ADCY3: variants seen among roughly 807,000 people sequenced by gnomAD.
ADCY3 encodes adenylate cyclase type 3.
In ADCY3, 70 loss-of-function variants were observed where a neutral mutation model predicts 119.4. The ratio of observed to expected loss-of-function variants is 0.59; its 90% CI spans 0.48 to 0.72. The LOEUF (loss-of-function observed/expected upper bound fraction) is 0.72. ADCY3 is among the 30% of genes least tolerant of loss of function. The pLI is 0.00. For missense variants in ADCY3, 1,238 were observed against 1,541.6 expected, an observed-to-expected ratio of 0.80 and a Z score of 3.30; for synonymous variants, 672 against 621.4, an observed-to-expected ratio of 1.08 and a Z score of -1.21.
At chr2:24,860,934 G>A (rs920713321) in intron 3 of ADCY3, among the ~76,000 whole-genome samples, 8 of 152,196 alleles carry the variant, frequency 5.3e-5, no homozygotes, top group Non-Finnish European at 7.3e-5. Context: ...CCCTTCAGCC[G>A]CACACTCTTA....
intron 3 of ADCY3, among the ~76,000 whole-genome samples, chr2:24,871,426 G>C (rs1005436998): frequency 6.6e-6 from 1 of 152,242 alleles, no homozygotes; most frequent in African/African-American, 2.4e-5. Flanking sequence ...CTTCTGTAAG[G>C]AATGAGATTG....
At chr2:24,876,625 G>A (rs78372398) in intron 2 of ADCY3, among the ~76,000 whole-genome samples, 11,217 of 152,230 alleles carry the variant, frequency 0.074, 514 homozygotes, top group Middle Eastern at 0.11. Context: ...GGACGGTGGC[G>A]TGACATCGTC....
At chr2:24,846,528 TACTC>T (rs1671664262) in intron 3 of ADCY3, among the ~76,000 whole-genome samples, 1 of 152,236 alleles carries the variant, frequency 6.6e-6, no homozygotes, top group Non-Finnish European at 1.5e-5. Context: ...TGGCTATACT[TACTC>T]AATACCTATA....
intron 2 of ADCY3, among the ~76,000 whole-genome samples, chr2:24,891,526 C>T (rs1219548706): frequency 6.6e-6 from 1 of 152,136 alleles, no homozygotes; most frequent in Non-Finnish European, 1.5e-5. Context: ...AGTAGTGATG[C>T]TAGCAATTCA....
At chr2:24,896,791 T>C (rs887268001) in intron 2 of ADCY3, among the ~76,000 whole-genome samples, 3 of 152,198 alleles carry the variant, frequency 2.0e-5, no homozygotes, top group African/African-American at 7.2e-5. Context: ...TCCCACAGAT[T>C]CTAGAAACCT....
intron 2 of ADCY3, among the ~76,000 whole-genome samples, chr2:24,886,812 C>T (rs1285256947): frequency 6.6e-6 from 1 of 152,248 alleles, no homozygotes; most frequent in Non-Finnish European, 1.5e-5. Context: ...GCCCAGCTGG[C>T]AAGGAGGCTG....
chr2:24,874,964 G>C (rs1675490971), intron 2 of ADCY3, among the ~76,000 whole-genome samples: 1 of 152,204 alleles, frequency 6.6e-6, no homozygotes, highest in African/African-American at 2.4e-5. Flanking sequence ...TTTGGTGATT[G>C]GTGTGAAGTT....
At chr2:24,877,823 A>G in intron 2 of ADCY3, 1 of 464,500 alleles carries the variant, frequency 2.2e-6, no homozygotes, top group South Asian at 1.6e-5. Flanking sequence ...GCCTGGGGCG[A>G]GACAGCTGGC....
At chr2:24,910,235 C>T (rs1041685937) in intron 2 of ADCY3, among the ~76,000 whole-genome samples, 6 of 152,158 alleles carry the variant, frequency 3.9e-5, no homozygotes, top group Admixed American at 3.9e-4. Context: ...ACCGGTCTTG[C>T]TCTGTCACCC....
intron 6 of ADCY3, chr2:24,840,703 C>T (rs997732944): frequency 5.6e-6 from 2 of 359,912 alleles, no homozygotes; most frequent in Non-Finnish European, 1.2e-5. Flanking sequence ...ACTGCCCATC[C>T]GAGAGCTGCA....
chr2:24,885,856 C>G (rs764841559), intron 2 of ADCY3, among the ~76,000 whole-genome samples: 6 of 152,134 alleles, frequency 3.9e-5, no homozygotes, highest in Admixed American at 3.3e-4. Context: ...ACCCCGCCCC[C>G]ACAGCTGCCT....
chr2:24,860,445 G>A (rs1673491437), intron 3 of ADCY3, among the ~76,000 whole-genome samples: 1 of 152,248 alleles, frequency 6.6e-6, no homozygotes, highest in African/African-American at 2.4e-5. Flanking sequence ...TATGTGTTCG[G>A]CAGAGGCAAA....
chr2:24,846,576 T>C (rs918194017), intron 3 of ADCY3, among the ~76,000 whole-genome samples: 6 of 147,256 alleles, frequency 4.1e-5, no homozygotes, highest in African/African-American at 1.6e-4. Flanking sequence ...AGTTTGCTTT[T>C]GATTTTTTTT....
chr2:24,835,157 C>T lies in ADCY3; in HGVS notation c.1663-221G>A, dbSNP rs375650721. 1.5e-3 allele frequency among the ~76,000 whole-genome samples: 236 copies of T among 152,300 alleles called. 1 individual carries two copies. The highest frequency in any genetic ancestry group is 5.4e-3 in the African/African-American group (223 of 41,564). ...AAAGCTCCAGTCTTTCCTGGCTCCC[C>T]GGGCCCCCCACCCAGAGCTCTGCAG... On this transcript the variant is annotated intron_variant, in intron 9 of 21. Transcript: ENST00000679454.
At position 24,872,667 on chromosome 2, in the gene ADCY3, G is replaced by A. The variant is rs375853983; in HGVS notation, c.728C>T (p.Ser243Phe). The part of the protein sequence containing the change: ...YLCAIAVGIM[S>F]YYMADRKHRK... The stretch of plus-strand genomic sequence containing the variant: ...GTGCTTGCGGTCAGCCATGTAGTAG[G>A]ACATGATGCCCACAGCGATGGCGCA... Residue 243 changes from serine to phenylalanine, a missense_variant, in exon 3 of 22, where the codon TCC (serine) becomes TTC (phenylalanine). Physicochemically the swap from Ser to Phe is radical, Grantham distance 155. Around this residue, in one of 7 missense-constraint regions of ADCY3, gnomAD observed 283 missense variants for 437.2 expected, o/e 0.65. Transcript: ENST00000679454. This position sits in a 1 kb window ranked among gnomAD's most constrained non-coding sequence, Gnocchi z 4.4. 6 of 1,614,088 alleles carry A rather than the reference G, an allele frequency of 3.7e-6. No individual in the cohort carries two copies. In the East Asian group the frequency reaches 8.9e-5, roughly 24 times the overall value.
At chr2:24,832,717 A>G (rs954168424) in intron 11 of ADCY3, among the ~76,000 whole-genome samples, 2 of 152,166 alleles carry the variant, frequency 1.3e-5, no homozygotes, top group Non-Finnish European at 2.9e-5. Flanking sequence ...GTTGCAGCAC[A>G]GCCTGCATGC....
intron 3 of ADCY3, among the ~76,000 whole-genome samples, chr2:24,862,582 CAAAT>C (rs1673806456): frequency 6.6e-6 from 1 of 151,036 alleles, no homozygotes; most frequent in South Asian, 2.1e-4. Flanking sequence ...AAAATAAAAA[CAAAT>C]AAAAATCAAG....
At chr2:24,876,665 G>A (rs1327204143) in intron 2 of ADCY3, among the ~76,000 whole-genome samples, 1 of 152,138 alleles carries the variant, frequency 6.6e-6, no homozygotes, top group Non-Finnish European at 1.5e-5. Flanking sequence ...AGGTGTGGCC[G>A]CAGGAAGAAC....
intron 2 of ADCY3, among the ~76,000 whole-genome samples, chr2:24,895,854 T>G (rs537473587): frequency 3.2e-4 from 48 of 152,296 alleles, no homozygotes; most frequent in Non-Finnish European, 6.0e-4. Flanking sequence ...TATTTTATCT[T>G]TATGTGCTTA....
Sources: gnomAD v4.1 joint callset for allele counts (sites outside exome capture counted in the v4.1 genomes callset) on GRCh38, gnomAD v4.1.1 for gene constraint, gnomAD v4.1.1 regional missense constraint, Gnocchi (gnomAD v3.1) non-coding constraint, MANE v1.5 for transcripts, NCBI Gene and HGNC (gene_info 2026-07-23, HGNC 2026-07-21) for gene names.